The following LSAMP variants were observed in gnomAD, a reference collection of about 807,000 sequenced individuals.
The protein encoded by LSAMP is limbic system associated membrane protein, also known as limbic system-associated membrane protein.
In LSAMP, 7 loss-of-function variants were observed where a neutral mutation model predicts 38.6. The observed-to-expected ratio is 0.18, with a 90% CI of 0.10 to 0.34. The LOEUF (loss-of-function observed/expected upper bound fraction) is 0.34. LSAMP is among the 10% of genes least tolerant of loss of function. The pLI is 1.00. For synonymous variants in LSAMP, 154 were observed against 166.8 expected (o/e 0.92, Z 0.59); for missense variants, 313 against 420.0 (o/e 0.75, Z 2.23).
chr3:116,268,781 TTTAAAAAAATA>T (rs1160053721), intron 1 of LSAMP, among the ~76,000 whole-genome samples: 1 of 152,112 alleles, frequency 6.6e-6, no homozygotes, highest in African/African-American at 2.4e-5. Flanking sequence ...TTGTTGCTCA[TTTAAAAAAATA>T]TTATTATTCT....
intron 1 of LSAMP, among the ~76,000 whole-genome samples, chr3:116,276,854 A>G (rs2047062156): frequency 1.3e-5 from 2 of 152,308 alleles, no homozygotes; most frequent in Non-Finnish European, 2.9e-5. Flanking sequence ...AAAGGCAGAC[A>G]GGCAGTGACC....
chr3:115,861,132 T>C (rs1344334933), intron 3 of LSAMP, among the ~76,000 whole-genome samples: 3 of 7,182 alleles, frequency 4.2e-4, no homozygotes, highest in African/African-American at 7.5e-4. Flanking sequence ...CTTCTTTCTT[T>C]CCTTCCTTCC....
At chr3:116,159,918 T>G (rs1468077367) in intron 1 of LSAMP, among the ~76,000 whole-genome samples, 1 of 151,902 alleles carries the variant, frequency 6.6e-6, no homozygotes, top group Non-Finnish European at 1.5e-5. Context: ...GAGATCATGT[T>G]TTTTTGCAGC....
chr3:116,387,560 G>A (rs574109037), intron 1 of LSAMP, among the ~76,000 whole-genome samples: 1 of 152,074 alleles, frequency 6.6e-6, no homozygotes, highest in Admixed American at 6.6e-5. Context: ...TTAGTCCAAA[G>A]GTTCCGTACA....
chr3:115,812,785 T>G (rs1933880527), intron 6 of LSAMP, among the ~76,000 whole-genome samples: 1 of 152,188 alleles, frequency 6.6e-6, no homozygotes, highest in Admixed American at 6.5e-5. Context: ...TTCCTCAATC[T>G]CATTTTTAGT....
intron 3 of LSAMP, among the ~76,000 whole-genome samples, chr3:115,891,145 A>G (rs1316418959): frequency 6.6e-6 from 1 of 151,966 alleles, no homozygotes; most frequent in Non-Finnish European, 1.5e-5. Flanking sequence ...AGGCAGATTT[A>G]CTGGATACCT....
At chr3:116,217,079 A>G (rs2046228633) in intron 1 of LSAMP, among the ~76,000 whole-genome samples, 5 of 152,230 alleles carry the variant, frequency 3.3e-5, no homozygotes, top group Admixed American at 3.3e-4. Flanking sequence ...ATTCTGAGGC[A>G]GTTGTATTCT....
intron 3 of LSAMP, among the ~76,000 whole-genome samples, chr3:115,923,756 A>G (rs1937436490): frequency 6.6e-6 from 1 of 151,952 alleles, no homozygotes; most frequent in African/African-American, 2.4e-5. Context: ...TTGCCCAGTG[A>G]ACTCCTACTT....
chr3:116,190,935 T>A lies in LSAMP; in HGVS notation c.156-104379A>T, dbSNP rs147621368. Among the ~76,000 whole-genome samples the A allele has an allele frequency of 3.3e-5, 5 of 152,340 alleles. No homozygotes were observed. The East Asian group carries it at 9.6e-4, about 29-fold the overall frequency. ...CTTATTTAAGGGTGGAACAAAATAG[T>A]TGAATTTGTGAGGCTGTGTCAAATT... On this transcript the variant is annotated intron_variant, in intron 1 of 6. Transcript: ENST00000490035.
At chr3:116,139,355 T>G (rs1320532245) in intron 1 of LSAMP, among the ~76,000 whole-genome samples, 1 of 151,936 alleles carries the variant, frequency 6.6e-6, no homozygotes, top group Non-Finnish European at 1.5e-5. Flanking sequence ...TAAACATGAA[T>G]CTCCACCAAT....
chr3:115,966,757 A>G (rs1394054060), intron 3 of LSAMP, among the ~76,000 whole-genome samples: 6 of 152,254 alleles, frequency 3.9e-5, no homozygotes, highest in Non-Finnish European at 8.8e-5. Flanking sequence ...TTGAATAAAA[A>G]TACAACAACA....
chr3:115,849,108 A>T (rs1214116617), intron 4 of LSAMP, among the ~76,000 whole-genome samples: 1 of 152,212 alleles, frequency 6.6e-6, no homozygotes, highest in African/African-American at 2.4e-5. Context: ...TAACAGCTAC[A>T]TTGTGGGTAA....
chr3:116,379,719 A>G (rs140160530), intron 1 of LSAMP, among the ~76,000 whole-genome samples: 11 of 152,104 alleles, frequency 7.2e-5, no homozygotes, highest in Non-Finnish European at 1.5e-4. Context: ...AGAGGTGAAA[A>G]CCATAAGAAT....
chr3:116,100,690 T>C (rs1054440684), intron 1 of LSAMP, among the ~76,000 whole-genome samples: 2 of 152,210 alleles, frequency 1.3e-5, no homozygotes, highest in African/African-American at 4.8e-5. Context: ...AAGTTGATCA[T>C]GTACTCATCT....
At chr3:116,085,740 T>C (rs1280263192) in intron 2 of LSAMP, among the ~76,000 whole-genome samples, 1 of 152,210 alleles carries the variant, frequency 6.6e-6, no homozygotes, top group African/African-American at 2.4e-5. Context: ...AGAAGCAAAT[T>C]GTCCCCAATT....
chr3:116,240,412 A>T (rs1029276415), intron 1 of LSAMP, among the ~76,000 whole-genome samples: 7 of 152,210 alleles, frequency 4.6e-5, no homozygotes, highest in African/African-American at 1.7e-4. Context: ...CACTAGCAAG[A>T]TTAAAAAAGA....
At chr3:116,284,968 T>A (rs1468344199) in intron 1 of LSAMP, among the ~76,000 whole-genome samples, 1 of 152,218 alleles carries the variant, frequency 6.6e-6, no homozygotes, top group Non-Finnish European at 1.5e-5. Flanking sequence ...TAAGACATCT[T>A]TGCATTGTGG....
chr3:116,397,394 C>T (rs35742381), intron 1 of LSAMP, among the ~76,000 whole-genome samples: 1 of 137,894 alleles, frequency 7.3e-6, no homozygotes, highest in African/African-American at 2.8e-5. Context: ...CCGCCCCCCC[C>T]CCACACACAC....
At position 115,803,831 on chromosome 3, in the gene LSAMP, C is replaced by T. The variant is rs932311496; in HGVS notation, c.*6486G>A. The stretch of plus-strand genomic sequence containing the variant: ...CTGCCTGGGACCCCATGCTTACCGC[C>T]ATCAGCACAAGCAAAGAGTTTCCAA... On this transcript the variant is annotated 3_prime_UTR_variant, in exon 7 of 7. Transcript: ENST00000490035. 1 of 152,174 alleles carries T rather than the reference C, an allele frequency of 6.6e-6. No individual in the cohort carries two copies. Among genetic ancestry groups the T allele is most frequent in the Admixed American group, 6.5e-5 (1 of 15,280 alleles). 9.4% of individuals were successfully genotyped at this position (152,174 alleles called of 1,614,324 possible). A position where few individuals can be genotyped will look rare whatever the true frequency, so the allele number is the denominator to read the frequency against.
Sources: allele counts gnomAD v4.1 joint callset (sites outside exome capture counted in the v4.1 genomes callset), GRCh38; gene constraint gnomAD v4.1.1; transcripts MANE v1.5; gene names NCBI Gene and HGNC (gene_info 2026-07-23, HGNC 2026-07-21).